The following NEK7 variants were observed in gnomAD, a reference collection of about 807,000 sequenced individuals.
NEK7 encodes NIMA related kinase 7.
In NEK7, 18 loss-of-function variants were observed where a neutral mutation model predicts 44.6. The ratio of observed to expected loss-of-function variants is 0.40; its 90% CI spans 0.28 to 0.60. NEK7 has a LOEUF of 0.60. Ranked by LOEUF, NEK7 falls within the 20% of genes least tolerant of loss-of-function variation. The pLI, the probability that NEK7 is intolerant of heterozygous loss-of-function variation, is 0.38. For synonymous variants in NEK7, 130 were observed against 121.1 expected (o/e 1.07, Z -0.48); for missense variants, 256 against 366.5 (o/e 0.70, Z 2.46).
In NEK7 at chr1:198,273,380, T is replaced by C. The variant is rs551015861; in HGVS notation, c.373-4581T>C. Among the ~76,000 whole-genome samples, 457 of 151,846 alleles carry C rather than the reference T, an allele frequency of 3.0e-3. 2 individuals carry two copies. The highest frequency in any genetic ancestry group is 4.8e-3 in the Non-Finnish European group (327 of 67,724). ...ATGTATAGCAAATATTTGTGAAGTTTAGTTTGTTGATACCTCATTATGCCT... is the reference window on the plus strand; with the variant it reads ...ATGTATAGCAAATATTTGTGAAGTTCAGTTTGTTGATACCTCATTATGCCT... On this transcript the variant is annotated intron_variant, in intron 5 of 9. Coordinates refer to ENST00000367385, the MANE Select transcript of NEK7 (RefSeq NM_133494.3).
At chr1:198,303,104 G>A (rs1388920729) in intron 9 of NEK7, among the ~76,000 whole-genome samples, 1 of 152,124 alleles carries the variant, frequency 6.6e-6, no homozygotes, top group Non-Finnish European at 1.5e-5. Context: ...CTGGCTCATG[G>A]TAACTCAGGG....
chr1:198,252,166 T>G (rs1653028821), intron 2 of NEK7, among the ~76,000 whole-genome samples: 3 of 152,140 alleles, frequency 2.0e-5, no homozygotes, highest in Admixed American at 2.0e-4. Flanking sequence ...TTGTTCAGTT[T>G]CCACACAGTT....
chr1:198,248,987 C>T (rs1666910577), intron 2 of NEK7, among the ~76,000 whole-genome samples: 1 of 151,056 alleles, frequency 6.6e-6, no homozygotes, highest in Non-Finnish European at 1.5e-5. Flanking sequence ...TGTGCTGCAC[C>T]CATTAACACG....
intron 1 of NEK7, among the ~76,000 whole-genome samples, chr1:198,198,839 T>C (rs1665324302): frequency 6.6e-6 from 1 of 152,270 alleles, no homozygotes; most frequent in African/African-American, 2.4e-5. Context: ...GTAGTCCTTA[T>C]AATTACTACT....
chr1:198,193,198 G>C (rs1486962478), intron 1 of NEK7, among the ~76,000 whole-genome samples: 1 of 151,992 alleles, frequency 6.6e-6, no homozygotes, highest in African/African-American at 2.4e-5. Context: ...ACATAAACTA[G>C]AAAATCTAGA....
chr1:198,265,101 C>G (rs1653605567), intron 5 of NEK7, among the ~76,000 whole-genome samples: 1 of 152,072 alleles, frequency 6.6e-6, no homozygotes, highest in South Asian at 2.1e-4. Flanking sequence ...TCTAGCTTAT[C>G]AAGTCACACT....
intron 2 of NEK7, among the ~76,000 whole-genome samples, chr1:198,242,648 C>T (rs1054063353): frequency 2.6e-5 from 4 of 151,026 alleles, no homozygotes; most frequent in Admixed American, 2.0e-4. Context: ...ATTTTTAGTA[C>T]GGACGGGGTT....
At chr1:198,190,483 T>A (rs900447887) in intron 1 of NEK7, among the ~76,000 whole-genome samples, 2 of 152,006 alleles carry the variant, frequency 1.3e-5, no homozygotes, top group African/African-American at 4.8e-5. Flanking sequence ...TATGGACTTC[T>A]AGAATAAAAA....
At chr1:198,172,654 A>G (rs1265428626) in intron 1 of NEK7, among the ~76,000 whole-genome samples, 1 of 152,204 alleles carries the variant, frequency 6.6e-6, no homozygotes, top group Non-Finnish European at 1.5e-5. Flanking sequence ...GAATATGAAA[A>G]TTGTATAGAT....
chr1:198,294,813 G>A (rs926407175), intron 8 of NEK7, among the ~76,000 whole-genome samples: 3 of 152,176 alleles, frequency 2.0e-5, no homozygotes, highest in African/African-American at 4.8e-5. Flanking sequence ...TCATCTCAAC[G>A]CATTTTCTTG....
chr1:198,183,163 T>G (rs576174317), intron 1 of NEK7, among the ~76,000 whole-genome samples: 1 of 152,300 alleles, frequency 6.6e-6, no homozygotes, highest in South Asian at 2.1e-4. Flanking sequence ...ATCAACCCTA[T>G]AACTCCCATC....
intron 1 of NEK7, among the ~76,000 whole-genome samples, chr1:198,217,926 C>T (rs1431183579): frequency 6.6e-6 from 1 of 150,488 alleles, no homozygotes; most frequent in Non-Finnish European, 1.5e-5. Context: ...CAAAACACTG[C>T]TGAAATAAAT....
chr1:198,278,135 T>A, intron 6 of NEK7, 66 bp downstream of exon 6: 1 of 861,022 alleles, frequency 1.2e-6, no homozygotes, highest in South Asian at 1.4e-5. Flanking sequence ...AAAGTAAATG[T>A]CTTCAAGTCA....
chr1:198,293,029 T>A lies in NEK7; in HGVS notation c.674T>A (p.Leu225Gln), dbSNP rs1430628777. The change falls in exon 8 of 10, where the codon CTA becomes CAA. Residue 225 changes from leucine to glutamine, a missense_variant. By Grantham distance (113) the Leu-to-Gln change is moderately radical. This residue lies in a region of NEK7 where 102 missense variants were observed against 205.2 expected (regional missense o/e 0.50). Coordinates refer to ENST00000367385, the MANE Select transcript of NEK7 (RefSeq NM_133494.3). ...TCTGACATCTGGTCTCTTGGCTGTCTACTATATGAGGTAGGTAATGTTGAT... is the reference window on the plus strand; with the variant it reads ...TCTGACATCTGGTCTCTTGGCTGTCAACTATATGAGGTAGGTAATGTTGAT... The part of the protein sequence containing the change: ...FKSDIWSLGC[L>Q]LYEMAALQSP... 1 of 1,532,192 alleles carries A rather than the reference T, an allele frequency of 6.5e-7. No individual in the cohort carries two copies. Among genetic ancestry groups the A allele is most frequent in the African/African-American group, 1.4e-5 (1 of 73,416 alleles). The allele number at this position is 1,532,192 out of a possible 1,614,324, so 94.9% of individuals were successfully genotyped here. A position where few individuals can be genotyped will look rare whatever the true frequency, so the allele number is the denominator to read the frequency against.
At chr1:198,223,191 T>G (rs1356513266) in intron 1 of NEK7, among the ~76,000 whole-genome samples, 1 of 152,234 alleles carries the variant, frequency 6.6e-6, no homozygotes, top group Non-Finnish European at 1.5e-5. Flanking sequence ...GATTTATGTT[T>G]TCAAAATATC....
intron 1 of NEK7, among the ~76,000 whole-genome samples, chr1:198,204,066 G>A (rs1437651980): frequency 6.6e-6 from 1 of 152,050 alleles, no homozygotes. Context: ...GACTGGCCTG[G>A]GCAGCATAGC....
At chr1:198,227,631 A>G in intron 1 of NEK7, among the ~76,000 whole-genome samples, 1 of 151,970 alleles carries the variant, frequency 6.6e-6, no homozygotes, top group Non-Finnish European at 1.5e-5. Flanking sequence ...GATGATGAGA[A>G]TTTTTTCATG....
intron 2 of NEK7, among the ~76,000 whole-genome samples, chr1:198,237,108 T>C (rs1282727727): frequency 6.6e-6 from 1 of 152,166 alleles, no homozygotes; most frequent in Non-Finnish European, 1.5e-5. Context: ...CTTTGAAACC[T>C]ATTCTTCACT....
rs367554025 is a variant in NEK7, at chr1:198,297,727, T to C, written c.798+487T>C. On this transcript the variant is annotated intron_variant, in intron 9 of 9. Coordinates refer to ENST00000367385, the MANE Select transcript of NEK7 (RefSeq NM_133494.3). ...CTTAACTACATATCTCTGAGCCTTA[T>C]TATTTAAGCTTTACCTTCTCTCCTT... Among the ~76,000 whole-genome samples the C allele has an allele frequency of 2.6e-5, 4 of 152,358 alleles. No individual in the cohort carries two copies. In the East Asian group the frequency reaches 7.7e-4, roughly 29 times the overall value.
Sources: allele counts gnomAD v4.1 joint callset (sites outside exome capture counted in the v4.1 genomes callset), GRCh38; gene constraint gnomAD v4.1.1; regional missense constraint gnomAD v4.1.1; transcripts MANE v1.5; gene names NCBI Gene and HGNC (gene_info 2026-07-23, HGNC 2026-07-21).